The following COX16 variants were observed in gnomAD, a reference collection of about 807,000 sequenced individuals.
COX16 encodes cytochrome c oxidase assembly protein COX16 homolog, mitochondrial.
Under a neutral mutation model 15.4 loss-of-function variants are expected in COX16, and 12 were observed. That is an observed-to-expected ratio of 0.78 (90% CI 0.50 to 1.26). The LOEUF (loss-of-function observed/expected upper bound fraction) is 1.26. Ranked by LOEUF, COX16 falls within the 50% of genes most tolerant of loss-of-function variation. The pLI, the probability that COX16 is intolerant of heterozygous loss-of-function variation, is 0.00. For missense variants in COX16, 124 were observed against 127.6 expected, an observed-to-expected ratio of 0.97 and a Z score of 0.14; for synonymous variants, 46 against 41.1, an observed-to-expected ratio of 1.12 and a Z score of -0.46.
chr14:70,336,269 A>C (rs1886453115), intron 2 of COX16, among the ~76,000 whole-genome samples: 1 of 43,610 alleles, frequency 2.3e-5, no homozygotes. Flanking sequence ...AAAACAAAAA[A>C]CAAAAACAAA....
At chr14:70,335,634 A>T (rs767569737) in intron 2 of COX16, among the ~76,000 whole-genome samples, 76 of 151,904 alleles carry the variant, frequency 5.0e-4, no homozygotes, top group Non-Finnish European at 1.6e-4. Flanking sequence ...AAATTTTTAA[A>T]ATTTATGGAA....
rs1240033349 is a variant in COX16, at chr14:70,329,191, A to C, written c.187T>G (p.Leu63Val). 12 of 1,608,590 alleles carry C rather than the reference A, an allele frequency of 7.5e-6. No individual in the cohort carries two copies. The highest frequency in any genetic ancestry group is 9.3e-6 in the Non-Finnish European group (11 of 1,177,232). ...TACCGTACCTCATATTCCGACTCTA[A>C]AGATATTTTATTCTCTTTCAGTTTT... Reference protein sequence around the residue: ...EKKLKENKISLESEYEKIKDS... With the variant: ...EKKLKENKISVESEYEKIKDS... Residue 63 changes from leucine (L) to valine (V), a missense_variant, in exon 3 of 4, where the codon TTA (leucine) becomes GTA (valine). Coordinates refer to ENST00000389912, the MANE Select transcript of COX16 (RefSeq NM_016468.7).
intron 1 of COX16, among the ~76,000 whole-genome samples, chr14:70,349,173 C>T (rs1886869409): frequency 6.6e-6 from 1 of 152,174 alleles, no homozygotes; most frequent in Non-Finnish European, 1.5e-5. Flanking sequence ...CTCACCTTTC[C>T]AGCTATGTTC....
At chr14:70,359,423 C>T (rs189582291) in intron 1 of COX16, 96 bp downstream of exon 1, 5 of 1,144,898 alleles carry the variant, frequency 4.4e-6, no homozygotes, top group Non-Finnish European at 5.3e-6. Flanking sequence ...GAGTGCCAGC[C>T]CTTAACTTCA....
intron 2 of COX16, among the ~76,000 whole-genome samples, chr14:70,334,650 A>C (rs78397060): frequency 1.3e-5 from 2 of 152,332 alleles, no homozygotes; most frequent in Admixed American, 1.3e-4. Flanking sequence ...ATAAGTTGTT[A>C]TATCTATAGG....
At chr14:70,332,409 T>C (rs1886318284) in intron 2 of COX16, among the ~76,000 whole-genome samples, 1 of 152,162 alleles carries the variant, frequency 6.6e-6, no homozygotes, top group African/African-American at 2.4e-5. Context: ...CGATCCTGTC[T>C]GCGCAGGATC....
chr14:70,345,206 AGGGGCCCAGTTAGC>A (rs1217669944), intron 1 of COX16, among the ~76,000 whole-genome samples: 3 of 152,182 alleles, frequency 2.0e-5, no homozygotes, highest in African/African-American at 7.2e-5. Flanking sequence ...AAGTTTCCTC[AGGGGCCCAGTTAGC>A]AGGGAAAATT....
chr14:70,327,531 TTA>T (rs755317013), intron 3 of COX16, among the ~76,000 whole-genome samples: 2 of 152,164 alleles, frequency 1.3e-5, no homozygotes, highest in Non-Finnish European at 2.9e-5. Context: ...TACTGTTCAC[TTA>T]TAGTTTTACC....
At chr14:70,346,945 C>A (rs1213548692) in intron 1 of COX16, among the ~76,000 whole-genome samples, 1 of 152,108 alleles carries the variant, frequency 6.6e-6, no homozygotes, top group Non-Finnish European at 1.5e-5. Context: ...CCAGACCCCT[C>A]GGGGCATCTA....
At position 70,329,156 on chromosome 14, in the gene COX16, T is replaced by C. The variant is rs1440281313; in HGVS notation, c.204+18A>G. 1.3e-6 allele frequency: 2 copies of C among 1,596,892 alleles called. No homozygotes were observed. Among genetic ancestry groups the C allele is most frequent in the Non-Finnish European group, 1.7e-6 (2 of 1,172,966 alleles). Reference sequence around the variant, plus strand: ...TAACTGATTGTTATAAGACAGAGACTATATTAACATACCGTACCTCATATT... The same window carrying C: ...TAACTGATTGTTATAAGACAGAGACCATATTAACATACCGTACCTCATATT... On this transcript the variant is annotated intron_variant, in intron 3 of 3. Transcript: ENST00000389912.
intron 2 of COX16, among the ~76,000 whole-genome samples, chr14:70,330,180 A>C (rs1594907458): frequency 3.9e-5 from 6 of 152,276 alleles, no homozygotes; most frequent in Admixed American, 3.9e-4. Flanking sequence ...GTCACAAATA[A>C]AGAGTATTTA....
Position 70,345,455 on chromosome 14 carries a change from T to C in COX16, c.70-2726A>G, listed in dbSNP as rs1046997803. On this transcript the variant is annotated intron_variant, in intron 1 of 3. Coordinates refer to ENST00000389912, the MANE Select transcript of COX16 (RefSeq NM_016468.7). ...GTTCTCCTGAGCCTACCCTCTGTTA[T>C]GGGAAACTCCGGTCCTCCATTCCAA... 2.6e-5 allele frequency among the ~76,000 whole-genome samples: 4 copies of C among 152,204 alleles called. No homozygotes were observed. The East Asian group carries it at 5.8e-4, about 22-fold the overall frequency.
At chr14:70,338,736 G>A (rs151216425) in intron 2 of COX16, among the ~76,000 whole-genome samples, 1 of 152,308 alleles carries the variant, frequency 6.6e-6, no homozygotes, top group Non-Finnish European at 1.5e-5. Flanking sequence ...CTCTATTTTA[G>A]ACTGAGTATA....
chr14:70,342,361 G>A (rs1442052771), intron 2 of COX16, among the ~76,000 whole-genome samples: 1 of 152,136 alleles, frequency 6.6e-6, no homozygotes, highest in Non-Finnish European at 1.5e-5. Context: ...CAAGAGAATT[G>A]CTTGAGCCTG....
intron 2 of COX16, among the ~76,000 whole-genome samples, chr14:70,333,347 T>G (rs1235561119): frequency 1.3e-5 from 2 of 152,170 alleles, no homozygotes; most frequent in East Asian, 1.9e-4. Flanking sequence ...AGAGAGCCAT[T>G]TAGAAATTTA....
chr14:70,334,343 C>CA (rs1162371955), intron 2 of COX16, among the ~76,000 whole-genome samples: 1 of 152,020 alleles, frequency 6.6e-6, no homozygotes, highest in Non-Finnish European at 1.5e-5. Context: ...GTCAACATGG[C>CA]AAAACCCCGT....
At chr14:70,353,857 GA>G (rs1887045369) in intron 1 of COX16, among the ~76,000 whole-genome samples, 1 of 151,802 alleles carries the variant, frequency 6.6e-6, no homozygotes, top group African/African-American at 2.4e-5. Context: ...ACCAATTAAA[GA>G]ATTAAATATT....
At position 70,326,329 on chromosome 14, in the gene COX16, AGAGTC is replaced by A. The variant is rs1886072191; in HGVS notation, c.320_*3del. On this transcript the variant is annotated stop_lost and 3_prime_UTR_variant, in exon 4 of 4. Coordinates refer to ENST00000389912, the MANE Select transcript of COX16 (RefSeq NM_016468.7). ...AAAAAAAAAGGAAAAAAGAATCAGC[AGAGTC>A]AAGTTGTCTTAGTCTTAAGGCTTTC... 5 of 1,464,088 alleles carry A rather than the reference AGAGTC, an allele frequency of 3.4e-6. No individual in the cohort carries two copies. The highest frequency in any genetic ancestry group is 4.5e-6 in the Non-Finnish European group (5 of 1,108,050). The allele number at this position is 1,464,088 out of a possible 1,614,324, so 90.7% of individuals were successfully genotyped here.
In COX16 at chr14:70,331,023, T is replaced by C. The variant is rs952173850; in HGVS notation, c.142-1787A>G. On this transcript the variant is annotated intron_variant, in intron 2 of 3. Transcript: ENST00000389912. ...AAAATATATTGTATTGAACTTTTTTTCTTTGAGATGGAAATCTCACTGTCA... is the reference window on the plus strand; with the variant it reads ...AAAATATATTGTATTGAACTTTTTTCCTTTGAGATGGAAATCTCACTGTCA... 5.9e-5 allele frequency among the ~76,000 whole-genome samples: 9 copies of C among 152,280 alleles called. No homozygotes were observed. The East Asian group carries it at 1.5e-3, about 26-fold the overall frequency.
Sources: allele counts gnomAD v4.1 joint callset (sites outside exome capture counted in the v4.1 genomes callset), GRCh38; gene constraint gnomAD v4.1.1; transcripts MANE v1.5; gene names NCBI Gene and HGNC (gene_info 2026-07-23, HGNC 2026-07-21).